Variants in SUSD4 observed in about 807,000 individuals in gnomAD.
SUSD4 encodes sushi domain-containing protein 4.
SUSD4 carries 41 observed loss-of-function variants against 50.5 expected under a neutral mutation model. That is an observed-to-expected ratio of 0.81 (90% confidence interval 0.63 to 1.05). The LOEUF is 1.05. Among genes scored for constraint, SUSD4 ranks in the 50% least tolerant of loss-of-function variants. The pLI, the probability that SUSD4 is intolerant of heterozygous loss-of-function variation, is 0.00. For missense variants in SUSD4, 580 were observed against 634.7 expected, an observed-to-expected ratio of 0.91 and a Z score of 0.93; for synonymous variants, 257 against 257.3, an observed-to-expected ratio of 1.00 and a Z score of 0.01.
chr1:223,246,379 TA>T (rs778075336), intron 5 of SUSD4, among the ~76,000 whole-genome samples: 9 of 151,046 alleles, frequency 6.0e-5, no homozygotes, highest in African/African-American at 9.8e-5. Context: ...AGTTGGGGAG[TA>T]AAAGGGGATG....
intron 2 of SUSD4, among the ~76,000 whole-genome samples, chr1:223,354,233 C>T (rs567203477): frequency 1.3e-5 from 2 of 151,952 alleles, no homozygotes; most frequent in Middle Eastern, 3.2e-3. Flanking sequence ...AATAAGTCTC[C>T]CGCCCCCAAA....
At chr1:223,268,042 T>TATATATATATATATATATAC (rs869264392) in intron 4 of SUSD4, among the ~76,000 whole-genome samples, 9 of 106,838 alleles carry the variant, frequency 8.4e-5, no homozygotes, top group Admixed American at 2.1e-4. Flanking sequence ...TATATATATA[T>TATATATATATATATATATAC]ACACACACAC....
intron 5 of SUSD4, among the ~76,000 whole-genome samples, chr1:223,259,794 C>T (rs941517526): frequency 6.6e-6 from 1 of 152,134 alleles, no homozygotes; most frequent in Non-Finnish European, 1.5e-5. Context: ...CTATGTGCTA[C>T]ATGGTTGGTT....
At chr1:223,296,522 T>C (rs765531549) in intron 2 of SUSD4, among the ~76,000 whole-genome samples, 1 of 152,062 alleles carries the variant, frequency 6.6e-6, no homozygotes, top group African/African-American at 2.4e-5. Flanking sequence ...TAGGCAGCAG[T>C]CCAAGGCACA....
intron 2 of SUSD4, among the ~76,000 whole-genome samples, chr1:223,295,110 G>T (rs1432777601): frequency 6.6e-6 from 1 of 152,182 alleles, no homozygotes; most frequent in Non-Finnish European, 1.5e-5. Context: ...CTGGATGTTG[G>T]GGTTAGGAAG....
chr1:223,232,772 A>G (rs1319274882), intron 5 of SUSD4, among the ~76,000 whole-genome samples: 2 of 152,108 alleles, frequency 1.3e-5, no homozygotes, highest in Non-Finnish European at 2.9e-5. Flanking sequence ...GAGTTACCCA[A>G]ATTTGTGTTC....
chr1:223,327,098 T>C (rs1666918115), intron 2 of SUSD4, among the ~76,000 whole-genome samples: 1 of 152,116 alleles, frequency 6.6e-6, no homozygotes, highest in Admixed American at 6.5e-5. Context: ...AACCCAAGTG[T>C]CCACTGATTA....
intron 2 of SUSD4, among the ~76,000 whole-genome samples, chr1:223,311,701 C>T (rs985395126): frequency 2.0e-5 from 3 of 152,144 alleles, no homozygotes; most frequent in African/African-American, 7.2e-5. Flanking sequence ...GTTTTTCTTG[C>T]AAAACATTAT....
chr1:223,270,413 A>G (rs1662830461), intron 3 of SUSD4, among the ~76,000 whole-genome samples: 1 of 152,200 alleles, frequency 6.6e-6, no homozygotes, highest in Non-Finnish European at 1.5e-5. Flanking sequence ...CACGGCTAAC[A>G]GGCTTGGGGC....
chr1:223,327,998 T>G (rs1666972206), intron 2 of SUSD4, among the ~76,000 whole-genome samples: 1 of 152,066 alleles, frequency 6.6e-6, no homozygotes, highest in Non-Finnish European at 1.5e-5. Flanking sequence ...GTCTCCAATC[T>G]CTTTATCCAC....
intron 2 of SUSD4, among the ~76,000 whole-genome samples, chr1:223,354,402 A>G (rs971005874): frequency 2.0e-5 from 3 of 152,192 alleles, no homozygotes; most frequent in Admixed American, 1.3e-4. Flanking sequence ...AGAATGATAG[A>G]AAAAAGCCTA....
intron 5 of SUSD4, among the ~76,000 whole-genome samples, chr1:223,239,274 T>C (rs1042252211): frequency 6.6e-6 from 1 of 152,064 alleles, no homozygotes; most frequent in Non-Finnish European, 1.5e-5. Flanking sequence ...AGTTGAATCA[T>C]TTTTAAAAAT....
chr1:223,328,582 T>G (rs1239213385), intron 2 of SUSD4, among the ~76,000 whole-genome samples: 1 of 152,212 alleles, frequency 6.6e-6, no homozygotes, highest in Non-Finnish European at 1.5e-5. Flanking sequence ...AGTATTACCA[T>G]CCAGGTGAAG....
At chr1:223,285,051 A>T (rs1664045694) in intron 3 of SUSD4, among the ~76,000 whole-genome samples, 1 of 152,214 alleles carries the variant, frequency 6.6e-6, no homozygotes, top group African/African-American at 2.4e-5. Context: ...GATATTTGTG[A>T]TGATGGACAT....
At chr1:223,306,028 C>T (rs1230869662) in intron 2 of SUSD4, among the ~76,000 whole-genome samples, 2 of 152,072 alleles carry the variant, frequency 1.3e-5, no homozygotes, top group African/African-American at 2.4e-5. Context: ...AACAAGTAAA[C>T]GTCACAAAAA....
rs573930335 is a variant in SUSD4 at position 223,234,468 on chromosome 1, G to A, written c.725-5080C>T. Among the ~76,000 whole-genome samples the A allele has an allele frequency of 3.1e-4, 47 of 152,274 alleles. No individual in the cohort carries two copies. The South Asian group carries it at 9.1e-3, about 30-fold the overall frequency. On this transcript the variant is annotated intron_variant, in intron 5 of 8. Transcript: ENST00000366878. ...CATAAACTCTTTGAGAGCAGGGGCC[G>A]TGTCTCTAGAGTTTTTCTAACTCCT...
chr1:223,264,878 G>A (rs995128750), intron 4 of SUSD4, 60 bp from the exon 5 acceptor site: 1 of 1,552,158 alleles, frequency 6.4e-7, no homozygotes, highest in Non-Finnish European at 8.7e-7. Flanking sequence ...ACATCGAAAA[G>A]TCACACAGAA....
chr1:223,279,675 T>A (rs1457680789), intron 3 of SUSD4, among the ~76,000 whole-genome samples: 1 of 152,170 alleles, frequency 6.6e-6, no homozygotes, highest in Non-Finnish European at 1.5e-5. Flanking sequence ...CAGGGTATTA[T>A]CCAGGAGAAC....
chr1:223,271,613 T>C (rs1441096779), intron 3 of SUSD4, among the ~76,000 whole-genome samples: 1 of 151,996 alleles, frequency 6.6e-6, no homozygotes, highest in Non-Finnish European at 1.5e-5. Context: ...TAGGAATGAG[T>C]ACAAAACAAA....
Sources: gnomAD v4.1 joint callset for allele counts (sites outside exome capture counted in the v4.1 genomes callset) on GRCh38, gnomAD v4.1.1 for gene constraint, MANE v1.5 for transcripts, NCBI Gene and HGNC (gene_info 2026-07-23, HGNC 2026-07-21) for gene names.